MGAT4C: variants seen among roughly 807,000 people sequenced by gnomAD.
MGAT4C encodes the protein MGAT4 family member C.
In MGAT4C, 19 loss-of-function variants were observed where a neutral mutation model predicts 40.1. That is an observed-to-expected ratio of 0.47 (90% CI 0.33 to 0.70). MGAT4C has a LOEUF of 0.70. Ranked by LOEUF, MGAT4C falls within the 30% of genes least tolerant of loss-of-function variation. The pLI is 0.02. For synonymous variants in MGAT4C, 181 were observed against 187.1 expected, an observed-to-expected ratio of 0.97 and a Z score of 0.27; for missense variants, 491 against 563.2, an observed-to-expected ratio of 0.87 and a Z score of 1.30.
At chr12:86,114,745 GTC>G (rs992115837) in intron 1 of MGAT4C, among the ~76,000 whole-genome samples, 60 of 151,982 alleles carry the variant, frequency 3.9e-4, no homozygotes, top group African/African-American at 1.3e-3. Flanking sequence ...GACAAACCAT[GTC>G]TCTGACTCTA....
chr12:86,181,506 C>T (rs892206509), intron 1 of MGAT4C, among the ~76,000 whole-genome samples: 1 of 152,050 alleles, frequency 6.6e-6, no homozygotes, highest in Non-Finnish European at 1.5e-5. Context: ...TTATAGTAAT[C>T]AATATTACAA....
chr12:86,453,896 T>A (rs935882604), intron 2 of MGAT4C, among the ~76,000 whole-genome samples: 1 of 151,992 alleles, frequency 6.6e-6, no homozygotes, highest in Non-Finnish European at 1.5e-5. Context: ...ATCAAATTTG[T>A]CCCACAAATA....
chr12:86,451,516 T>G (rs1405930145), intron 2 of MGAT4C, among the ~76,000 whole-genome samples: 2 of 152,170 alleles, frequency 1.3e-5, no homozygotes, highest in Non-Finnish European at 2.9e-5. Flanking sequence ...TTCAACAGGT[T>G]TACTATAAAA....
intron 2 of MGAT4C, among the ~76,000 whole-genome samples, chr12:86,717,093 C>T (rs1244016639): frequency 1.3e-5 from 2 of 151,666 alleles, no homozygotes; most frequent in East Asian, 3.9e-4. Context: ...ATGTTGTGCT[C>T]TTTTTTTGGC....
intron 3 of MGAT4C, among the ~76,000 whole-genome samples, chr12:86,339,011 T>G (rs2136181538): frequency 6.6e-6 from 1 of 151,308 alleles, no homozygotes; most frequent in Admixed American, 6.6e-5. Flanking sequence ...GAGCTAATAT[T>G]TATTTGAGCA....
At chr12:86,643,002 C>A (rs1007748505) in intron 2 of MGAT4C, among the ~76,000 whole-genome samples, 3 of 151,730 alleles carry the variant, frequency 2.0e-5, no homozygotes, top group Non-Finnish European at 4.4e-5. Flanking sequence ...TAGTACCTAG[C>A]AATTCCACTG....
rs986177160 is a variant in MGAT4C, at chr12:85,958,947, A to T, written c.*20342T>A. 2.6e-5 allele frequency: 4 copies of T among 151,552 alleles called. No individual in the cohort carries two copies. The highest frequency in any genetic ancestry group is 7.3e-5 in the African/African-American group (3 of 41,326). The allele number at this position is 151,552 out of a possible 1,614,324, so 9.4% of individuals were successfully genotyped here. On this transcript the variant is annotated 3_prime_UTR_variant, in exon 5 of 5. Coordinates refer to ENST00000611864, the MANE Select transcript of MGAT4C (RefSeq NM_001351288.2). ...CTTATCTTCCTGGCATTTTTGAAATAAAAAAAATACAAGTGCATAGGGCAG... is the reference window on the plus strand; with the variant it reads ...CTTATCTTCCTGGCATTTTTGAAATTAAAAAAATACAAGTGCATAGGGCAG...
intron 1 of MGAT4C, among the ~76,000 whole-genome samples, chr12:86,166,049 A>G (rs1048894993): frequency 6.6e-6 from 1 of 152,198 alleles, no homozygotes; most frequent in African/African-American, 2.4e-5. Context: ...AAGAAAATAA[A>G]TGTGCTTTAA....
At position 85,981,240 on chromosome 12, in the gene MGAT4C, C is replaced by G. The variant is rs1453412479; in HGVS notation, c.296-810G>C. On this transcript the variant is annotated intron_variant, in intron 4 of 4. Coordinates refer to ENST00000611864, the MANE Select transcript of MGAT4C (RefSeq NM_001351288.2). ...TATGTTTAGAGAATAAAATAAAACCCTGAGAAAAGACAGCTCACCTCTGAG... is the reference window on the plus strand; with the variant it reads ...TATGTTTAGAGAATAAAATAAAACCGTGAGAAAAGACAGCTCACCTCTGAG... 2.6e-5 allele frequency among the ~76,000 whole-genome samples: 4 copies of G among 152,076 alleles called. No individual in the cohort carries two copies. In the East Asian group the frequency reaches 5.8e-4, roughly 22 times the overall value.
intron 1 of MGAT4C, among the ~76,000 whole-genome samples, chr12:86,780,170 T>G (rs2136181331): frequency 6.6e-6 from 1 of 152,332 alleles, no homozygotes; most frequent in South Asian, 2.1e-4. Context: ...TGAAGTTGAA[T>G]TTAGGCTGCA....
intron 1 of MGAT4C, among the ~76,000 whole-genome samples, chr12:86,064,990 A>G (rs1894391725): frequency 6.6e-6 from 1 of 152,088 alleles, no homozygotes; most frequent in Non-Finnish European, 1.5e-5. Flanking sequence ...GGACACATAC[A>G]CCCTCCCAAG....
At chr12:86,161,432 G>A (rs1470270359) in intron 1 of MGAT4C, among the ~76,000 whole-genome samples, 1 of 152,164 alleles carries the variant, frequency 6.6e-6, no homozygotes, top group Admixed American at 6.6e-5. Flanking sequence ...AATAAATGGT[G>A]CTGGGATAAC....
chr12:86,588,073 T>C (rs1961145295), intron 2 of MGAT4C, among the ~76,000 whole-genome samples: 1 of 151,904 alleles, frequency 6.6e-6, no homozygotes, highest in African/African-American at 2.4e-5. Flanking sequence ...CAGTATGATA[T>C]TGGCTGTGGG....
At position 85,975,169 on chromosome 12, in the gene MGAT4C, T is replaced by C. The variant is rs890500823; in HGVS notation, c.*4120A>G. On this transcript the variant is annotated 3_prime_UTR_variant, in exon 5 of 5. Transcript: ENST00000611864. Reference sequence around the variant, plus strand: ...TAAATTAGAATGACAGGAATATATATTGATTTTAGGAAAGTGTCTGTATAA... The same window carrying C: ...TAAATTAGAATGACAGGAATATATACTGATTTTAGGAAAGTGTCTGTATAA... 6.6e-6 allele frequency: 1 copy of C among 150,958 alleles called. No individual in the cohort carries two copies. Among genetic ancestry groups the C allele is most frequent in the African/African-American group, 2.4e-5 (1 of 41,336 alleles). 9.4% of individuals were successfully genotyped at this position (150,958 alleles called of 1,614,324 possible).
At chr12:86,254,301 G>C (rs1952427490) in intron 1 of MGAT4C, among the ~76,000 whole-genome samples, 1 of 151,920 alleles carries the variant, frequency 6.6e-6, no homozygotes, top group East Asian at 1.9e-4. Flanking sequence ...GTTGTATAAA[G>C]TTGTCCAAAG....
At chr12:86,171,291 C>T (rs1886811124) in intron 1 of MGAT4C, among the ~76,000 whole-genome samples, 1 of 152,060 alleles carries the variant, frequency 6.6e-6, no homozygotes, top group South Asian at 2.1e-4. Context: ...ATCGCTTGAA[C>T]CCAGGAGGCA....
chr12:86,664,442 G>C (rs1411996976), intron 2 of MGAT4C, among the ~76,000 whole-genome samples: 1 of 152,016 alleles, frequency 6.6e-6, no homozygotes, highest in East Asian at 1.9e-4. Flanking sequence ...TATTTTATTT[G>C]TATCAAATTT....
intron 2 of MGAT4C, among the ~76,000 whole-genome samples, chr12:86,452,433 C>T (rs1272997442): frequency 6.7e-6 from 1 of 148,628 alleles, no homozygotes; most frequent in Non-Finnish European, 1.5e-5. Context: ...ACATGAACTT[C>T]AACTCTTGAC....
intron 2 of MGAT4C, among the ~76,000 whole-genome samples, chr12:86,042,640 C>A (rs1891971127): frequency 6.6e-6 from 1 of 151,806 alleles, no homozygotes; most frequent in African/African-American, 2.4e-5. Context: ...TCGAGGTGGG[C>A]AGATCACAGG....
Sources: allele counts gnomAD v4.1 joint callset (sites outside exome capture counted in the v4.1 genomes callset), GRCh38; gene constraint gnomAD v4.1.1; transcripts MANE v1.5; gene names NCBI Gene and HGNC (gene_info 2026-07-23, HGNC 2026-07-21).